Variants in EDC4 observed in about 807,000 individuals in gnomAD.
EDC4 encodes enhancer of mRNA-decapping protein 4.
Under a neutral mutation model 155.8 loss-of-function variants are expected in EDC4, and 64 were observed. That is an observed-to-expected ratio of 0.41 (90% CI 0.34 to 0.51). The LOEUF is 0.51. EDC4 is among the 20% of genes least tolerant of loss of function. EDC4 has a pLI of 0.19. For synonymous variants in EDC4, 684 were observed against 716.8 expected (o/e 0.95, Z 0.73); for missense variants, 1,303 against 1,812.5 (o/e 0.72, Z 5.10).
rs115860490 is a variant in EDC4, at chr16:67,878,222, C to T, written c.951C>T (p.His317=). The T allele has an allele frequency of 7.5e-4, 1,211 of 1,614,058 alleles. 12 individuals carry two copies. The African/African-American group carries it at 0.014, about 18-fold the overall frequency. ...PDGTVLATAS[H]DGYVKFWQIY... is the part of the protein sequence containing the mutation. ...GGACTGTGCTGGCTACTGCGAGCCA[C>T]GATGGCTATGTCAAGTTCTGGCAGA... The change falls in exon 8 of 29, where the codon CAC becomes CAT. Residue 317 remains histidine, a synonymous_variant. Transcript: ENST00000358933. This position sits in a 1 kb window ranked among gnomAD's most constrained non-coding sequence, Gnocchi z 5.2.
rs750666705 is a variant in EDC4 at position 67,881,766 on chromosome 16, G to A, written c.2925G>A (p.Leu975=). The part of the protein sequence containing the change: ...RHSQEELLQR[L]CTQLEGLQST... ...GCCAGGAAGAGCTGCTGCAGCGTCT[G>A]TGTACCCAACTCGAAGGCCTGCAGA... The change falls in exon 22 of 29, where the codon CTG becomes CTA. Residue 975 remains leucine (L), a synonymous_variant. Coordinates refer to ENST00000358933, the MANE Select transcript of EDC4 (RefSeq NM_014329.5). The surrounding 1 kb of genome is among the most constrained non-coding windows in gnomAD (Gnocchi z 5.4). 3.7e-6 allele frequency: 6 copies of A among 1,614,144 alleles called. No homozygotes were observed. The highest frequency in any genetic ancestry group is 1.1e-5 in the South Asian group (1 of 91,086).
Position 67,876,111 on chromosome 16 carries a change from T to C in EDC4, c.239+10T>C. ...AAGAGAAGCAGGTCATGTGAGTACC[T>C]AGGAGACGACAATAGTGGTGATGGT... On this transcript the variant is annotated intron_variant, in intron 2 of 28. Coordinates refer to ENST00000358933, the MANE Select transcript of EDC4 (RefSeq NM_014329.5). This position sits in a 1 kb window ranked among gnomAD's most constrained non-coding sequence, Gnocchi z 5.8. The C allele has an allele frequency of 6.2e-7, 1 of 1,613,362 alleles. No homozygotes were observed. Among genetic ancestry groups the C allele is most frequent in the South Asian group, 1.1e-5 (1 of 91,040 alleles).
Position 67,878,425 on chromosome 16 carries a change from A to G in EDC4, c.1070A>G (p.His357Arg), listed in dbSNP as rs1412323854. 2 of 1,614,096 alleles carry G rather than the reference A, an allele frequency of 1.2e-6. No homozygotes were observed. The highest frequency in any genetic ancestry group is 1.7e-6 in the Non-Finnish European group (2 of 1,180,030). The change falls in exon 9 of 29, where the codon CAT (histidine) becomes CGT (arginine). Residue 357 changes from histidine to arginine, a missense_variant. Physicochemically the swap from His to Arg is conservative, Grantham distance 29. This residue lies in a region of EDC4 where 235 missense variants were observed against 367.7 expected (regional missense o/e 0.64). Coordinates refer to ENST00000358933, the MANE Select transcript of EDC4 (RefSeq NM_014329.5). This position sits in a 1 kb window ranked among gnomAD's most constrained non-coding sequence, Gnocchi z 5.2. ...PLSCLLFCDN[H>R]KKQDPDVPFW... The stretch of plus-strand genomic sequence containing the variant: ...TCCTGCCTCCTGTTCTGTGACAACC[A>G]TAAGAAACAAGACCCTGAGTGAGTG...
rs2058066952 is a variant in EDC4 at position 67,881,318 on chromosome 16, C to T, written c.2690C>T (p.Thr897Ile). 6 of 1,614,118 alleles carry T rather than the reference C, an allele frequency of 3.7e-6. No homozygotes were observed. The highest frequency in any genetic ancestry group is 4.2e-6 in the Non-Finnish European group (5 of 1,180,028). The change falls in exon 20 of 29, where the codon ACC (threonine) becomes ATC (isoleucine). Residue 897 changes from threonine to isoleucine, a missense_variant. Thr to Ile is a moderately conservative substitution (Grantham distance 89). Transcript: ENST00000358933. The surrounding 1 kb of genome is among the most constrained non-coding windows in gnomAD (Gnocchi z 5.4). ...SLASASGGFG[T>I]KVPAPRLPAK... ...GCCTCTGCTTCAGGAGGCTTTGGCA[C>T]CAAAGTTCCTGCTCCACGGCTGCCT...
In EDC4 at chr16:67,880,887, C is replaced by G; in HGVS notation, c.2428C>G (p.Leu810Val). The part of the protein sequence containing the change: ...GDGDRHNTPS[L>V]LEAALTQEAS... Reference sequence around the variant, plus strand: ...TGGAGATCGGCATAATACCCCCTCCCTCCTGGAGGCAGCCTTGACCCAGGA... The same window carrying G: ...TGGAGATCGGCATAATACCCCCTCCGTCCTGGAGGCAGCCTTGACCCAGGA... The change falls in exon 18 of 29, where the codon CTC (leucine) becomes GTC (valine). Residue 810 changes from leucine (L) to valine (V), a missense_variant. By Grantham distance (32) the Leu-to-Val change is conservative. Coordinates refer to ENST00000358933, the MANE Select transcript of EDC4 (RefSeq NM_014329.5). The surrounding 1 kb of genome is among the most constrained non-coding windows in gnomAD (Gnocchi z 5.2). 6.2e-7 allele frequency: 1 copy of G among 1,614,000 alleles called. No individual in the cohort carries two copies. Among genetic ancestry groups the G allele is most frequent in the Non-Finnish European group, 8.5e-7 (1 of 1,180,014 alleles).
At position 67,873,234 on chromosome 16, in the gene EDC4, T is replaced by C; in HGVS notation, c.-28T>C. The C allele has an allele frequency of 1.5e-6, 2 of 1,376,946 alleles. No individual in the cohort carries two copies. The highest frequency in any genetic ancestry group is 1.9e-6 in the Non-Finnish European group (2 of 1,070,894). The allele number at this position is 1,376,946 out of a possible 1,614,324, so 85.3% of individuals were successfully genotyped here. A position where few individuals can be genotyped will look rare whatever the true frequency, so the allele number is the denominator to read the frequency against. On this transcript the variant is annotated 5_prime_UTR_variant, in exon 1 of 29. Transcript: ENST00000358933. ...CGCGGCGGCGGCGGAACGAACGCGG[T>C]GCGGGCGGGGCGCCCGCCGCAGGGC...
In EDC4 at chr16:67,884,046, G is replaced by C; in HGVS notation, c.4104G>C (p.Lys1368Asn). ...CCGTTATGGCCCAGGTGCGCCAAAA[G>C]CTTTTTCAGTTCCTGCAGGCTGAGC... ...MGSVMAQVRQ[K>N]LFQFLQAEPH... The change falls in exon 29 of 29, where the codon AAG becomes AAC. Residue 1368 changes from lysine (K) to asparagine (N), a missense_variant. Around this residue, in one of 5 missense-constraint regions of EDC4, gnomAD observed 527 missense variants for 757.0 expected, o/e 0.70. Transcript: ENST00000358933. This position sits in a 1 kb window ranked among gnomAD's most constrained non-coding sequence, Gnocchi z 4.1. 6.2e-7 allele frequency: 1 copy of C among 1,614,122 alleles called. No homozygotes were observed. The highest frequency in any genetic ancestry group is 8.5e-7 in the Non-Finnish European group (1 of 1,180,026).
Position 67,883,264 on chromosome 16 carries a change from G to A in EDC4, c.3849+87G>A, listed in dbSNP as rs954808996. 31 of 1,472,464 alleles carry A rather than the reference G, an allele frequency of 2.1e-5. No homozygotes were observed. In the Middle Eastern group the frequency reaches 5.3e-4, roughly 25 times the overall value. The allele number at this position is 1,472,464 out of a possible 1,614,324, so 91.2% of individuals were successfully genotyped here. A position where few individuals can be genotyped will look rare whatever the true frequency, so the allele number is the denominator to read the frequency against. On this transcript the variant is annotated intron_variant, in intron 27 of 28. Transcript: ENST00000358933. The surrounding 1 kb of genome is among the most constrained non-coding windows in gnomAD (Gnocchi z 5.3). The stretch of plus-strand genomic sequence containing the variant: ...ACATTCTACTCCACCCACCACCTTT[G>A]CACCTTCTGGCCCCAGCAGACTGTT...
Position 67,883,662 on chromosome 16 carries a change from A to C in EDC4, c.3944A>C (p.Gln1315Pro). 1 of 1,614,160 alleles carries C rather than the reference A, an allele frequency of 6.2e-7. No homozygotes were observed. Among genetic ancestry groups the C allele is most frequent in the Non-Finnish European group, 8.5e-7 (1 of 1,180,026 alleles). The change falls in exon 28 of 29, where the codon CAG becomes CCG. Residue 1315 changes from glutamine (Q) to proline (P), a missense_variant. Transcript: ENST00000358933. The surrounding 1 kb of genome is among the most constrained non-coding windows in gnomAD (Gnocchi z 5.3). ...VFGQPPCPLS[Q>P]PVLLSLIQQL... ...GGGCAGCCACCCTGCCCGCTCTCCC[A>C]GCCTGTGCTCCTTTCCCTCATCCAG...
Position 67,880,079 on chromosome 16 carries a change from ACCTTGAGCC to A in EDC4, c.1963_1971del (p.Leu655_Pro657del). 6.2e-7 allele frequency: 1 copy of A among 1,608,500 alleles called. No individual in the cohort carries two copies. Among genetic ancestry groups the A allele is most frequent in the Non-Finnish European group, 8.5e-7 (1 of 1,176,646 alleles). ...CCCCACCAGGCCACCTGAGGAGCTG[ACCTTGAGCC>A]CCAAGCTGCAGCTGGATGGCAGCCT... On this transcript the variant is annotated inframe_deletion, in exon 17 of 29. Coordinates refer to ENST00000358933, the MANE Select transcript of EDC4 (RefSeq NM_014329.5). This position sits in a 1 kb window ranked among gnomAD's most constrained non-coding sequence, Gnocchi z 5.2.
Position 67,882,173 on chromosome 16 carries a change from C to G in EDC4, c.3161-39C>G, listed in dbSNP as rs776348229. On this transcript the variant is annotated intron_variant, in intron 23 of 28. Transcript: ENST00000358933. The surrounding 1 kb of genome is among the most constrained non-coding windows in gnomAD (Gnocchi z 7.2). Reference sequence around the variant, plus strand: ...TGGGAGTGGGGTACCTGTCAAGCTTCTTCTCATGGCTCCACCTCACCCTCT... The same window carrying G: ...TGGGAGTGGGGTACCTGTCAAGCTTGTTCTCATGGCTCCACCTCACCCTCT... 1.2e-6 allele frequency: 2 copies of G among 1,604,610 alleles called. No homozygotes were observed. Among genetic ancestry groups the G allele is most frequent in the Non-Finnish European group, 1.7e-6 (2 of 1,174,220 alleles).
In EDC4 at chr16:67,881,433, A is replaced by C. The variant is rs768510464; in HGVS notation, c.2789+16A>C. ...AGGATGATGGGTAGGGAGAAATCCTAGGGAGGGAGAGGGTGGTCTCTAGGC... is the reference window on the plus strand; with the variant it reads ...AGGATGATGGGTAGGGAGAAATCCTCGGGAGGGAGAGGGTGGTCTCTAGGC... On this transcript the variant is annotated intron_variant, in intron 20 of 28. Transcript: ENST00000358933. The surrounding 1 kb of genome is among the most constrained non-coding windows in gnomAD (Gnocchi z 5.4). 3 of 1,613,828 alleles carry C rather than the reference A, an allele frequency of 1.9e-6. No homozygotes were observed. The African/African-American group carries it at 4.0e-5, about 22-fold the overall frequency.
Position 67,878,009 on chromosome 16 carries a change from C to A in EDC4, c.895-157C>A. 6.8e-7 allele frequency: 1 copy of A among 1,479,600 alleles called. No individual in the cohort carries two copies. The highest frequency in any genetic ancestry group is 1.3e-5 in the South Asian group (1 of 75,854). The allele number at this position is 1,479,600 out of a possible 1,614,324, so 91.7% of individuals were successfully genotyped here. A position where few individuals can be genotyped will look rare whatever the true frequency, so the allele number is the denominator to read the frequency against. ...GTGCAGCTTTCTCCTTATCTAGCAG[C>A]ACCCTGCAGGTCTGGCCTTCTCTAG... is the stretch of plus-strand genomic sequence containing the variant. On this transcript the variant is annotated intron_variant, in intron 7 of 28. Coordinates refer to ENST00000358933, the MANE Select transcript of EDC4 (RefSeq NM_014329.5). The surrounding 1 kb of genome is among the most constrained non-coding windows in gnomAD (Gnocchi z 5.2).
Position 67,882,020 on chromosome 16 carries a change from C to T in EDC4, c.3071C>T (p.Thr1024Ile), listed in dbSNP as rs2058070325. The part of the protein sequence containing the change: ...QRGGQLQEQL[T>I]QQLSQALSSA... ...GGAGGGCAGCTGCAGGAGCAGCTGACACAACAGTTGTCCCAAGCACTGTCG... is the reference window on the plus strand; with the variant it reads ...GGAGGGCAGCTGCAGGAGCAGCTGATACAACAGTTGTCCCAAGCACTGTCG... Residue 1024 changes from threonine (T) to isoleucine (I), a missense_variant, in exon 23 of 29, where the codon ACA becomes ATA. Physicochemically the swap from Thr to Ile is moderately conservative, Grantham distance 89. Transcript: ENST00000358933. The surrounding 1 kb of genome is among the most constrained non-coding windows in gnomAD (Gnocchi z 7.2). The T allele has an allele frequency of 1.2e-6, 2 of 1,611,926 alleles. No homozygotes were observed. Among genetic ancestry groups the T allele is most frequent in the Admixed American group, 1.7e-5 (1 of 59,372 alleles).
chr16:67,879,362 A>G lies in EDC4; in HGVS notation c.1542-50A>G, dbSNP rs1326269467. 6.2e-7 allele frequency: 1 copy of G among 1,614,124 alleles called. No individual in the cohort carries two copies. The highest frequency in any genetic ancestry group is 8.5e-7 in the Non-Finnish European group (1 of 1,180,008). ...TCCTGTCTGTGTCTGTCTCCACTCT[A>G]CTGACCCTTGCCCTTGGAGCACTTT... On this transcript the variant is annotated intron_variant, in intron 13 of 28. Transcript: ENST00000358933. This position sits in a 1 kb window ranked among gnomAD's most constrained non-coding sequence, Gnocchi z 6.0.
In EDC4 at chr16:67,874,288, C is replaced by T. The variant is rs150371094; in HGVS notation, c.82+945C>T. Among the ~76,000 whole-genome samples the T allele has an allele frequency of 1.1e-3, 173 of 152,250 alleles. 1 individual carries two copies. In the South Asian group the frequency reaches 0.014, roughly 12 times the overall value. On this transcript the variant is annotated intron_variant, in intron 1 of 28. Transcript: ENST00000358933. ...AAGTGGCCGGTGATGATGGTGTGGG[C>T]GTACAGTGGAGAATTGTGTTTCCTC...
In EDC4 at chr16:67,879,935, T is replaced by C. The variant is rs937799719; in HGVS notation, c.1907T>C (p.Met636Thr). ...SSSSLTAVSA[M>T]SSTSAVDPSL... ...AGCTCCCTTACAGCTGTGTCTGCCATGAGCAGCACCTCAGCTGTGGACCCC... is the reference window on the plus strand; with the variant it reads ...AGCTCCCTTACAGCTGTGTCTGCCACGAGCAGCACCTCAGCTGTGGACCCC... Residue 636 changes from methionine (M) to threonine (T), a missense_variant, in exon 16 of 29, where the codon ATG (methionine) becomes ACG (threonine). Physicochemically the swap from Met to Thr is moderately conservative, Grantham distance 81 (BLOSUM62 -1). Around this residue, in one of 5 missense-constraint regions of EDC4, gnomAD observed 391 missense variants for 445.4 expected, o/e 0.88. Coordinates refer to ENST00000358933, the MANE Select transcript of EDC4 (RefSeq NM_014329.5). This position sits in a 1 kb window ranked among gnomAD's most constrained non-coding sequence, Gnocchi z 6.0. The C allele has an allele frequency of 9.3e-6, 15 of 1,613,568 alleles. No homozygotes were observed. The Admixed American group carries it at 1.2e-4, about 13-fold the overall frequency.
Position 67,877,820 on chromosome 16 carries a change from T to G in EDC4, c.869T>G (p.Phe290Cys). ...PVDVSQIKQG[F>C]IVVKGHSTCL... ...GATGTTAGCCAGATCAAGCAGGGCT[T>G]CATTGTGGTAAAAGGTCATAGCACG... The change falls in exon 7 of 29, where the codon TTC (phenylalanine) becomes TGC (cysteine). Residue 290 changes from phenylalanine to cysteine, a missense_variant. Transcript: ENST00000358933. This position sits in a 1 kb window ranked among gnomAD's most constrained non-coding sequence, Gnocchi z 4.9. The G allele has an allele frequency of 6.2e-7, 1 of 1,614,114 alleles. No homozygotes were observed. The highest frequency in any genetic ancestry group is 2.2e-5 in the East Asian group (1 of 44,886).
chr16:67,884,467 T>G lies in EDC4; in HGVS notation c.*319T>G, dbSNP rs1301381222. The G allele has an allele frequency of 6.0e-6, 3 of 501,646 alleles. No homozygotes were observed. Among genetic ancestry groups the G allele is most frequent in the Non-Finnish European group, 1.1e-5 (3 of 283,186 alleles). The allele number at this position is 501,646 out of a possible 1,614,324, so 31.1% of individuals were successfully genotyped here. A position where few individuals can be genotyped will look rare whatever the true frequency, so the allele number is the denominator to read the frequency against. On this transcript the variant is annotated 3_prime_UTR_variant, in exon 29 of 29. Coordinates refer to ENST00000358933, the MANE Select transcript of EDC4 (RefSeq NM_014329.5). The surrounding 1 kb of genome is among the most constrained non-coding windows in gnomAD (Gnocchi z 4.1). The stretch of plus-strand genomic sequence containing the variant: ...GGATCTTTTTGTTTTTGAAAAACAT[T>G]GAGAAATTCAATTAAATGCTTTTGG...
Sources: allele counts gnomAD v4.1 joint callset (sites outside exome capture counted in the v4.1 genomes callset), GRCh38; gene constraint gnomAD v4.1.1; regional missense constraint gnomAD v4.1.1; non-coding constraint Gnocchi (gnomAD v3.1); transcripts MANE v1.5; gene names NCBI Gene and HGNC (gene_info 2026-07-23, HGNC 2026-07-21).